FBN3: variants seen among roughly 807,000 people sequenced by gnomAD.
FBN3 encodes fibrillin 3.
Under a neutral mutation model 330.1 loss-of-function variants are expected in FBN3, and 234 were observed. The observed-to-expected ratio is 0.71, with a 90% CI of 0.64 to 0.79. FBN3 has a LOEUF of 0.79. FBN3 is among the 30% of genes least tolerant of loss of function. The pLI is 0.00. For synonymous variants in FBN3, 1,458 were observed against 1,517.3 expected (o/e 0.96, Z 0.91); for missense variants, 3,606 against 3,886.9 (o/e 0.93, Z 1.92).
intron 21 of FBN3, 33 bp from the exon 22 acceptor site, chr19:8,126,050 A>G (rs1461524258): frequency 6.2e-7 from 1 of 1,612,746 alleles, no homozygotes; most frequent in Non-Finnish European, 8.5e-7. Flanking sequence ...CGGAGGGTCC[A>G]GGGAGGGGAA....
At chr19:8,122,491 C>T (rs370620509) in intron 24 of FBN3, among the ~76,000 whole-genome samples, 2 of 152,196 alleles carry the variant, frequency 1.3e-5, no homozygotes, top group African/African-American at 2.4e-5. Flanking sequence ...CTCGGCCTCC[C>T]GAGTAGCTGG....
intron 16 of FBN3, among the ~76,000 whole-genome samples, chr19:8,130,260 T>C (rs1167677438): frequency 1.3e-5 from 2 of 150,480 alleles, no homozygotes; most frequent in Admixed American, 1.3e-4. Flanking sequence ...CACAGCACTT[T>C]GGGAGGCCAA....
chr19:8,089,177 G>A (rs1457426219), intron 51 of FBN3, among the ~76,000 whole-genome samples: 1 of 152,196 alleles, frequency 6.6e-6, no homozygotes, highest in Admixed American at 6.5e-5. Context: ...GAAGGAATGA[G>A]TGAGCCAAGG....
chr19:8,089,337 G>A (rs913809760), intron 51 of FBN3, among the ~76,000 whole-genome samples: 5 of 152,248 alleles, frequency 3.3e-5, no homozygotes, highest in Non-Finnish European at 7.3e-5. Flanking sequence ...GAATAAGTGA[G>A]TGAGTGAATG....
rs768473284 is a variant in FBN3, at chr19:8,072,100, T to C, written c.8036A>G (p.Asn2679Ser). The C allele has an allele frequency of 1.9e-6, 3 of 1,612,546 alleles. No individual in the cohort carries two copies. The highest frequency in any genetic ancestry group is 1.3e-5 in the African/African-American group (1 of 74,890). The change falls in exon 63 of 64, where the codon AAT (asparagine) becomes AGT (serine). Residue 2679 changes from asparagine to serine, a missense_variant. Physicochemically the swap from Asn to Ser is conservative, Grantham distance 46. Transcript: ENST00000600128. ...SSEACYECKI[N>S]GLSPRDRPRR... is the part of the protein sequence containing the mutation. ...TGGCCGGTCCCGAGGGGAGAGGCCA[T>C]TGATCTTGCATTCGTAGCAGGCTTC...
chr19:8,101,062 C>G, intron 40 of FBN3, 90 bp from the exon 41 acceptor site: 2 of 993,536 alleles, frequency 2.0e-6, no homozygotes, highest in Non-Finnish European at 3.0e-6. Context: ...TCCCTGGAGC[C>G]CAGCCCTCAC....
At chr19:8,071,353 G>C (rs898764561) in intron 63 of FBN3, among the ~76,000 whole-genome samples, 9 of 152,198 alleles carry the variant, frequency 5.9e-5, no homozygotes, top group Non-Finnish European at 1.3e-4. Context: ...CTAGAGACAA[G>C]GCAGGTTCAG....
intron 40 of FBN3, among the ~76,000 whole-genome samples, chr19:8,101,890 C>T (rs1334206969): frequency 1.3e-5 from 2 of 152,244 alleles, no homozygotes; most frequent in Middle Eastern, 3.2e-3. Context: ...ATATTGCCTT[C>T]CATACATGGG....
chr19:8,110,667 A>G (rs1218028024), intron 34 of FBN3, among the ~76,000 whole-genome samples, 178 bp downstream of exon 34: 1 of 152,196 alleles, frequency 6.6e-6, no homozygotes, highest in Non-Finnish European at 1.5e-5. Flanking sequence ...GAACTTATTT[A>G]GCAGGCGAAC....
chr19:8,110,722 C>A (rs1312206632), intron 34 of FBN3, 123 bp downstream of exon 34: 5 of 1,334,818 alleles, frequency 3.7e-6, no homozygotes, highest in Admixed American at 2.0e-5. Context: ...GCCCCCCACC[C>A]CCCAGCAAGA....
chr19:8,115,077 A>G (rs2082676196), intron 30 of FBN3, among the ~76,000 whole-genome samples: 1 of 151,612 alleles, frequency 6.6e-6, no homozygotes, highest in South Asian at 2.1e-4. Context: ...CTGGTCTCGA[A>G]CTCCTGACCT....
intron 51 of FBN3, among the ~76,000 whole-genome samples, chr19:8,088,806 A>T (rs1364943136): frequency 6.6e-6 from 1 of 152,246 alleles, no homozygotes; most frequent in Non-Finnish European, 1.5e-5. Flanking sequence ...TGAAGGAACA[A>T]ATGAATGAGT....
At chr19:8,083,467 G>T in intron 56 of FBN3, 95 bp from the exon 57 acceptor site, 1 of 1,481,704 alleles carries the variant, frequency 6.7e-7, no homozygotes, top group Non-Finnish European at 9.3e-7. Context: ...CGTCTCCTCG[G>T]AGGAAAGTCC....
At position 8,108,238 on chromosome 19, in the gene FBN3, G is replaced by T. The variant is rs1301895629; in HGVS notation, c.4619C>A (p.Thr1540Asn). The T allele has an allele frequency of 1.2e-6, 2 of 1,607,326 alleles. No individual in the cohort carries two copies. Among genetic ancestry groups the T allele is most frequent in the East Asian group, 2.2e-5 (1 of 44,678 alleles). The stretch of plus-strand genomic sequence containing the variant: ...ACCCGGGCACAGGGTTCTGTACTCA[G>T]CTGTAAAGGGAAACAGGCTCCTGTG... ...PCELCPMANT[T>N]EYRTLCPGGE... The change falls in exon 37 of 64, where the codon ACT (threonine) becomes AAT (asparagine). Residue 1540 changes from threonine to asparagine, a missense_variant and splice_region_variant. By Grantham distance (65) the Thr-to-Asn change is moderately conservative. Transcript: ENST00000600128.
At position 8,086,256 on chromosome 19, in the gene FBN3, A is replaced by C. The variant is rs1195589444; in HGVS notation, c.6824T>G (p.Phe2275Cys). 1 of 1,611,204 alleles carries C rather than the reference A, an allele frequency of 6.2e-7. No individual in the cohort carries two copies. The highest frequency in any genetic ancestry group is 8.5e-7 in the Non-Finnish European group (1 of 1,178,498). The change falls in exon 55 of 64, where the codon TTC (phenylalanine) becomes TGC (cysteine). Residue 2275 changes from phenylalanine (F) to cysteine (C), a missense_variant. By Grantham distance (205) the Phe-to-Cys change is radical (BLOSUM62 -2). Coordinates refer to ENST00000600128, the MANE Select transcript of FBN3 (RefSeq NM_032447.5). ...NGRCVNTAGSFRCDCDEGFQP... is the reference protein window; with the variant it reads ...NGRCVNTAGSCRCDCDEGFQP... ...GAATCCCTCATCACAGTCGCACCGG[A>C]AGCTGCCCGCGGTGTTGACACAGCG...
chr19:8,079,826 G>A (rs1451758610), intron 59 of FBN3, among the ~76,000 whole-genome samples: 1 of 152,126 alleles, frequency 6.6e-6, no homozygotes, highest in Non-Finnish European at 1.5e-5. Flanking sequence ...CTGGCCTCAA[G>A]TGATCTGCCA....
At chr19:8,075,534 C>T in intron 59 of FBN3, 123 bp from the exon 60 acceptor site, 1 of 940,218 alleles carries the variant, frequency 1.1e-6, no homozygotes, top group Non-Finnish European at 1.6e-6. Context: ...GTGCCTGTTT[C>T]CCACTCTGTG....
In FBN3 at chr19:8,125,967, C is replaced by T. The variant is rs758594630; in HGVS notation, c.2656G>A (p.Val886Ile). The T allele has an allele frequency of 1.1e-5, 18 of 1,613,730 alleles. No homozygotes were observed. Among genetic ancestry groups the T allele is most frequent in the East Asian group, 4.5e-5 (2 of 44,872 alleles). The change falls in exon 22 of 64, where the codon GTC (valine) becomes ATC (isoleucine). Residue 886 changes from valine (V) to isoleucine (I), a missense_variant. By Grantham distance (29) the Val-to-Ile change is conservative. Coordinates refer to ENST00000600128, the MANE Select transcript of FBN3 (RefSeq NM_032447.5). ...FPGVCPNGRC[V>I]NTAGSFRCEC... The stretch of plus-strand genomic sequence containing the variant: ...CAGCGGAAAGACCCAGCAGTGTTGA[C>T]GCAACGCCCGTTGGGACAGACTCCC...
chr19:8,088,262 C>G (rs1359868943), intron 51 of FBN3, 83 bp from the exon 52 acceptor site: 6 of 1,495,432 alleles, frequency 4.0e-6, no homozygotes, highest in Non-Finnish European at 5.4e-6. Context: ...CTGTTGACCA[C>G]CACAGATCGG....
Sources: allele counts gnomAD v4.1 joint callset (sites outside exome capture counted in the v4.1 genomes callset), GRCh38; gene constraint gnomAD v4.1.1; transcripts MANE v1.5; gene names NCBI Gene and HGNC (gene_info 2026-07-23, HGNC 2026-07-21).